The following MAD1L1 variants were observed in gnomAD, a reference collection of about 807,000 sequenced individuals.
MAD1L1 encodes the protein mitotic arrest deficient 1 like 1.
In MAD1L1, 95 loss-of-function variants were observed where a neutral mutation model predicts 96.9. That is an observed-to-expected ratio of 0.98 (90% confidence interval 0.83 to 1.16). MAD1L1 has a LOEUF of 1.16. MAD1L1 is among the 50% of genes most tolerant of loss of function. The pLI, the probability that MAD1L1 is intolerant of heterozygous loss-of-function variation, is 0.00. For synonymous variants in MAD1L1, 473 were observed against 396.6 expected, an observed-to-expected ratio of 1.19 and a Z score of -2.29; for missense variants, 1,007 against 954.4, an observed-to-expected ratio of 1.06 and a Z score of -0.73.
At chr7:2,049,476 C>A (rs1037671899) in intron 12 of MAD1L1, among the ~76,000 whole-genome samples, 1 of 152,224 alleles carries the variant, frequency 6.6e-6, no homozygotes, top group African/African-American at 2.4e-5. Flanking sequence ...CACCAGCTCA[C>A]GGGCCTTCTG....
intron 11 of MAD1L1, among the ~76,000 whole-genome samples, chr7:2,092,854 A>G (rs1786285137): frequency 6.6e-6 from 1 of 152,176 alleles, no homozygotes; most frequent in South Asian, 2.1e-4. Context: ...CTAAAAACTC[A>G]TCGTCCAACC....
At chr7:1,865,543 A>G (rs968286706) in intron 18 of MAD1L1, among the ~76,000 whole-genome samples, 5 of 152,238 alleles carry the variant, frequency 3.3e-5, no homozygotes, top group Non-Finnish European at 7.3e-5. Context: ...GAGCAGCCAG[A>G]TGGGAAGATG....
chr7:2,034,390 GT>G (rs965278387), intron 12 of MAD1L1, among the ~76,000 whole-genome samples: 1 of 151,938 alleles, frequency 6.6e-6, no homozygotes. Context: ...CTAATTTTTT[GT>G]ATTTTAGTAG....
In MAD1L1 at chr7:1,843,679, C is replaced by T. The variant is rs558369576; in HGVS notation, c.1999-27451G>A. On this transcript the variant is annotated intron_variant, in intron 18 of 18. Transcript: ENST00000265854. Reference sequence around the variant, plus strand: ...GTCAGAAACCAAGGCCGGGAGGAGACCTGAGCTGAAGACTCACTTCTGGAG... The same window carrying T: ...GTCAGAAACCAAGGCCGGGAGGAGATCTGAGCTGAAGACTCACTTCTGGAG... Among the ~76,000 whole-genome samples, 13 of 152,342 alleles carry T rather than the reference C, an allele frequency of 8.5e-5. No individual in the cohort carries two copies. In the South Asian group the frequency reaches 2.7e-3, roughly 32 times the overall value.
chr7:1,891,389 G>A (rs921512669), intron 18 of MAD1L1, among the ~76,000 whole-genome samples: 1 of 152,068 alleles, frequency 6.6e-6, no homozygotes. Flanking sequence ...AGCTGGGTGT[G>A]GTGGCGCACC....
chr7:1,847,686 G>A (rs1309659071), intron 18 of MAD1L1: 7 of 470,638 alleles, frequency 1.5e-5, no homozygotes, highest in Middle Eastern at 3.2e-4. Flanking sequence ...ATACACTGGG[G>A]AGACCTCAGC....
chr7:2,071,194 G>T (rs1785109587), intron 11 of MAD1L1, among the ~76,000 whole-genome samples: 1 of 149,696 alleles, frequency 6.7e-6, no homozygotes, highest in Non-Finnish European at 1.5e-5. Context: ...GTGAATACGG[G>T]GTTTTTAACT....
intron 11 of MAD1L1, among the ~76,000 whole-genome samples, chr7:2,110,847 C>T (rs1052756643): frequency 2.6e-5 from 4 of 152,140 alleles, no homozygotes; most frequent in Admixed American, 2.6e-4. Flanking sequence ...GGACAACAGC[C>T]GTCTGCGCTC....
chr7:1,916,273 C>T (rs1367610215), intron 17 of MAD1L1, among the ~76,000 whole-genome samples: 3 of 152,104 alleles, frequency 2.0e-5, no homozygotes, highest in African/African-American at 4.8e-5. Context: ...TCTGGAGGAA[C>T]GAAAACTGTA....
intron 16 of MAD1L1, among the ~76,000 whole-genome samples, chr7:1,941,866 G>C (rs1193995780): frequency 1.1e-5 from 1 of 93,884 alleles, no homozygotes; most frequent in African/African-American, 3.2e-5. Context: ...AGGGAAGTGG[G>C]AGGACAGGCG....
In MAD1L1 at chr7:1,905,406, G is replaced by A. The variant is rs1338087847; in HGVS notation, c.1808-7016C>T. On this transcript the variant is annotated intron_variant, in intron 17 of 18. Transcript: ENST00000265854. ...GAGGATGCAGTGGCCTACGGAAGACGCTCTTGTGGAACTCATGATTGATGA... is the reference window on the plus strand; with the variant it reads ...GAGGATGCAGTGGCCTACGGAAGACACTCTTGTGGAACTCATGATTGATGA... Among the ~76,000 whole-genome samples the A allele has an allele frequency of 2.2e-5, 3 of 137,202 alleles. 1 individual carries two copies. Among genetic ancestry groups the A allele is most frequent in the Admixed American group, 7.8e-5 (1 of 12,882 alleles). 90.0% of individuals were successfully genotyped at this position (137,202 alleles called of 152,430 possible).
At chr7:1,947,220 T>G (rs530495865) in intron 16 of MAD1L1, among the ~76,000 whole-genome samples, 1 of 152,240 alleles carries the variant, frequency 6.6e-6, no homozygotes, top group East Asian at 1.9e-4. Flanking sequence ...GGAAATGGCT[T>G]CTGAGGGGCC....
chr7:1,897,897 G>A (rs12672795), intron 18 of MAD1L1, among the ~76,000 whole-genome samples: 2,105 of 152,312 alleles, frequency 0.014, 47 homozygotes, highest in East Asian at 0.092. Context: ...ACACGCCTAC[G>A]GCCGCAGCCC....
At chr7:1,817,137 C>G (rs1381371170) in intron 18 of MAD1L1, 2 of 152,250 alleles carry the variant, frequency 1.3e-5, no homozygotes, top group African/African-American at 4.8e-5. Flanking sequence ...TGAACCGCAA[C>G]TGAGCGAGAC....
intron 11 of MAD1L1, among the ~76,000 whole-genome samples, chr7:2,141,019 A>C (rs926729370): frequency 6.6e-6 from 1 of 152,252 alleles, no homozygotes; most frequent in South Asian, 2.1e-4. Context: ...ACGGCAGCTC[A>C]TCTTGCTGAA....
At chr7:1,888,010 TACGTGTGTGTGCATGCGTGAGACTGA>T (rs1180231696) in intron 18 of MAD1L1, among the ~76,000 whole-genome samples, 1 of 73,180 alleles carries the variant, frequency 1.4e-5, no homozygotes, top group African/African-American at 7.3e-5. Context: ...TGGCTGCCTG[TACGTGTGTGTGCATGCGTGAGACTGA>T]GCATGTGTGT....
At chr7:2,097,607 A>C (rs80025055) in intron 11 of MAD1L1, among the ~76,000 whole-genome samples, 7,381 of 152,312 alleles carry the variant, frequency 0.048, 606 homozygotes, top group African/African-American at 0.17. Context: ...GTGAGAACCC[A>C]GGCAGCAGGA....
At chr7:1,980,834 G>T in intron 14 of MAD1L1, 1 of 530,622 alleles carries the variant, frequency 1.9e-6, no homozygotes, top group Non-Finnish European at 3.7e-6. Context: ...GAGTGGACAC[G>T]CAGCTGGGGA....
At chr7:1,830,889 TATCTA>T (rs1462169106) in intron 18 of MAD1L1, among the ~76,000 whole-genome samples, 1 of 152,208 alleles carries the variant, frequency 6.6e-6, no homozygotes, top group Non-Finnish European at 1.5e-5. Flanking sequence ...ATGATAGACT[TATCTA>T]ATCAAAGTAG....
Sources: allele counts gnomAD v4.1 joint callset (sites outside exome capture counted in the v4.1 genomes callset), GRCh38; gene constraint gnomAD v4.1.1; transcripts MANE v1.5; gene names NCBI Gene and HGNC (gene_info 2026-07-23, HGNC 2026-07-21).